The following TMEFF2 variants were observed in gnomAD, a reference collection of about 807,000 sequenced individuals.
The protein encoded by TMEFF2 is tomoregulin-2.
In TMEFF2, 28 loss-of-function variants were observed where a neutral mutation model predicts 53.8. That is an observed-to-expected ratio of 0.52 (90% confidence interval 0.39 to 0.71). TMEFF2 has a LOEUF of 0.71. Ranked by LOEUF, TMEFF2 falls within the 30% of genes least tolerant of loss-of-function variation. TMEFF2 has a pLI of 0.00. For synonymous variants in TMEFF2, 162 were observed against 166.3 expected (o/e 0.97, Z 0.20); for missense variants, 353 against 455.2 (o/e 0.78, Z 2.04).
At chr2:191,954,900 A>G (rs1294135510) in intron 8 of TMEFF2, among the ~76,000 whole-genome samples, 2 of 152,112 alleles carry the variant, frequency 1.3e-5, no homozygotes, top group East Asian at 1.9e-4. Flanking sequence ...GAGGATCAAC[A>G]TATCATTGAT....
chr2:191,958,251 T>C (rs780293863), intron 7 of TMEFF2, among the ~76,000 whole-genome samples: 5 of 152,190 alleles, frequency 3.3e-5, no homozygotes, highest in Non-Finnish European at 7.3e-5. Context: ...ATTTTCACTT[T>C]TATTTCTGGA....
intron 1 of TMEFF2, among the ~76,000 whole-genome samples, chr2:192,193,401 G>A (rs1426712719): frequency 6.6e-6 from 1 of 152,056 alleles, no homozygotes; most frequent in Non-Finnish European, 1.5e-5. Context: ...CCCATCCTCT[G>A]GCCCTATTTA....
At chr2:192,095,291 G>A (rs1021319611) in intron 4 of TMEFF2, among the ~76,000 whole-genome samples, 1 of 152,070 alleles carries the variant, frequency 6.6e-6, no homozygotes, top group Non-Finnish European at 1.5e-5. Flanking sequence ...GGTGTGAGCT[G>A]CCACACCCGG....
At chr2:192,125,855 A>G (rs753775977) in intron 4 of TMEFF2, among the ~76,000 whole-genome samples, 34 of 152,172 alleles carry the variant, frequency 2.2e-4, no homozygotes, top group Non-Finnish European at 3.7e-4. Context: ...GGGAAACAAG[A>G]CACACTGGGG....
intron 4 of TMEFF2, among the ~76,000 whole-genome samples, chr2:192,118,845 A>G (rs1356624599): frequency 1.3e-5 from 2 of 152,140 alleles, no homozygotes; most frequent in South Asian, 2.1e-4. Context: ...TCTGATGCCA[A>G]TTTCAGAAAG....
chr2:192,080,992 C>A (rs1398547359), intron 4 of TMEFF2, among the ~76,000 whole-genome samples: 7 of 152,076 alleles, frequency 4.6e-5, no homozygotes, highest in Non-Finnish European at 7.4e-5. Context: ...AATTAGCATT[C>A]ATTGCAATAA....
chr2:192,111,912 G>A (rs1372555631), intron 4 of TMEFF2, among the ~76,000 whole-genome samples: 3 of 152,214 alleles, frequency 2.0e-5, no homozygotes, highest in African/African-American at 4.8e-5. Context: ...CAGTTTCCAC[G>A]TGGTGTTGAG....
chr2:192,127,036 T>C (rs1689694620), intron 4 of TMEFF2, among the ~76,000 whole-genome samples: 1 of 152,192 alleles, frequency 6.6e-6, no homozygotes. Flanking sequence ...AGCACTCTTA[T>C]TTAGACAGCT....
intron 7 of TMEFF2, among the ~76,000 whole-genome samples, chr2:191,991,676 G>A (rs1294618170): frequency 6.6e-6 from 1 of 152,100 alleles, no homozygotes; most frequent in African/African-American, 2.4e-5. Context: ...GCAGAGAAGA[G>A]TAGATAAGTA....
At chr2:192,188,512 C>T (rs931065059) in intron 2 of TMEFF2, among the ~76,000 whole-genome samples, 3 of 152,162 alleles carry the variant, frequency 2.0e-5, no homozygotes, top group Non-Finnish European at 4.4e-5. Flanking sequence ...TGAGCTGTTT[C>T]GATTAAGCCC....
chr2:192,170,849 A>T (rs1231663595), intron 4 of TMEFF2, among the ~76,000 whole-genome samples: 1 of 152,096 alleles, frequency 6.6e-6, no homozygotes, highest in Non-Finnish European at 1.5e-5. Flanking sequence ...GGATGCCAAC[A>T]TTATTTAAAC....
At chr2:192,180,671 C>T (rs1388370431) in intron 3 of TMEFF2, among the ~76,000 whole-genome samples, 1 of 151,624 alleles carries the variant, frequency 6.6e-6, no homozygotes, top group Admixed American at 6.6e-5. Flanking sequence ...AATTTACGGT[C>T]CAATTAAAAT....
At chr2:192,174,044 A>G (rs12463739) in intron 4 of TMEFF2, among the ~76,000 whole-genome samples, 55,810 of 151,592 alleles carry the variant, frequency 0.37, 10,292 homozygotes, top group Middle Eastern at 0.43. Flanking sequence ...AAAATAAGTG[A>G]ATCTCCCAGG....
intron 4 of TMEFF2, among the ~76,000 whole-genome samples, chr2:192,100,816 T>C (rs561766181): frequency 6.6e-6 from 1 of 152,314 alleles, no homozygotes; most frequent in East Asian, 1.9e-4. Flanking sequence ...GATTATATAT[T>C]ATAGTTCACG....
intron 3 of TMEFF2, among the ~76,000 whole-genome samples, chr2:192,180,928 A>G (rs550920277): frequency 6.6e-6 from 1 of 151,932 alleles, no homozygotes; most frequent in South Asian, 2.1e-4. Flanking sequence ...TTATATTAGA[A>G]TGTCAAGTAA....
At chr2:192,074,977 TAAAC>T (rs148352068) in intron 4 of TMEFF2, among the ~76,000 whole-genome samples, 2,663 of 151,732 alleles carry the variant, frequency 0.018, 73 homozygotes, top group African/African-American at 0.059. Context: ...TCTTGATAAA[TAAAC>T]AAACACAACA....
At chr2:192,042,255 T>G (rs1440946247) in intron 5 of TMEFF2, among the ~76,000 whole-genome samples, 15 of 152,000 alleles carry the variant, frequency 9.9e-5, no homozygotes, top group Admixed American at 2.6e-4. Context: ...TTGAGAAAGT[T>G]TGAAATATTG....
chr2:192,187,690 G>A (rs1427287582), intron 2 of TMEFF2, among the ~76,000 whole-genome samples: 1 of 152,130 alleles, frequency 6.6e-6, no homozygotes, highest in Non-Finnish European at 1.5e-5. Flanking sequence ...AGGGGAGAAA[G>A]TGATTCTATT....
At chr2:192,042,896 C>T (rs1687519458) in intron 5 of TMEFF2, among the ~76,000 whole-genome samples, 1 of 152,150 alleles carries the variant, frequency 6.6e-6, no homozygotes, top group African/African-American at 2.4e-5. Context: ...GTACCTTCTA[C>T]CCATATTGTT....
Sources: gnomAD v4.1 joint callset for allele counts (sites outside exome capture counted in the v4.1 genomes callset) on GRCh38, gnomAD v4.1.1 for gene constraint, MANE v1.5 for transcripts, NCBI Gene and HGNC (gene_info 2026-07-23, HGNC 2026-07-21) for gene names.